DNAH6: variants seen among roughly 807,000 people sequenced by gnomAD.
The protein encoded by DNAH6 is axonemal beta dynein heavy chain 6.
Under a neutral mutation model 491.4 loss-of-function variants are expected in DNAH6, and 340 were observed. The observed-to-expected ratio is 0.69, with a 90% CI of 0.63 to 0.76. The LOEUF (loss-of-function observed/expected upper bound fraction) is 0.76. Among genes scored for constraint, DNAH6 ranks in the 30% least tolerant of loss-of-function variants. DNAH6 has a pLI of 0.00. For missense variants in DNAH6, 4,443 were observed against 4,972.2 expected (o/e 0.89, Z 3.20); for synonymous variants, 1,603 against 1,686.1 (o/e 0.95, Z 1.21).
chr2:84,637,082 C>G lies in DNAH6; in HGVS notation c.4654-128C>G, dbSNP rs6709260. The G allele has an allele frequency of 0.046, 33,742 of 726,822 alleles. 2,344 individuals are homozygous for G. The highest frequency in any genetic ancestry group is 0.26 in the African/African-American group (14,462 of 55,632). 45.0% of individuals were successfully genotyped at this position (726,822 alleles called of 1,614,324 possible). On this transcript the variant is annotated intron_variant, in intron 30 of 76. Coordinates refer to ENST00000389394, the MANE Select transcript of DNAH6 (RefSeq NM_001370.2). ...CAGAATCAGAAATGTTCCCTGTTGT[C>G]CAACAATGGTATTCAGTAGTCTTTG... is the stretch of plus-strand genomic sequence containing the variant.
In DNAH6 at chr2:84,544,513, C is replaced by A. The variant is rs1293755867; in HGVS notation, c.930+13C>A. The A allele has an allele frequency of 1.5e-5, 20 of 1,308,880 alleles. No homozygotes were observed. The highest frequency in any genetic ancestry group is 4.8e-5 in the Admixed American group (2 of 42,028). The allele number at this position is 1,308,880 out of a possible 1,614,324, so 81.1% of individuals were successfully genotyped here. On this transcript the variant is annotated intron_variant, in intron 5 of 76. Transcript: ENST00000389394. ...CATTGTTAATCCTGTATGTATTTATCATTTATATTTTAAAATAATTACTTA... is the reference window on the plus strand; with the variant it reads ...CATTGTTAATCCTGTATGTATTTATAATTTATATTTTAAAATAATTACTTA...
intron 64 of DNAH6, chr2:84,777,239 T>C (rs1188725086): frequency 9.4e-6 from 2 of 212,168 alleles, no homozygotes; most frequent in East Asian, 2.5e-4. Flanking sequence ...GAACTTAAAG[T>C]ATAACAATAA....
chr2:84,812,607 A>G (rs1183152921), intron 73 of DNAH6, 81 bp downstream of exon 73: 1 of 1,128,412 alleles, frequency 8.9e-7, no homozygotes, highest in African/African-American at 1.6e-5. Context: ...CTGGCTAAAG[A>G]TATCCACAGT....
intron 31 of DNAH6, among the ~76,000 whole-genome samples, chr2:84,638,435 A>G (rs1471064924): frequency 6.6e-6 from 1 of 152,130 alleles, no homozygotes; most frequent in Non-Finnish European, 1.5e-5. Context: ...GACCACCAAG[A>G]CCAAAATATA....
chr2:84,537,665 A>G (rs1399780067), intron 4 of DNAH6, among the ~76,000 whole-genome samples: 1 of 152,060 alleles, frequency 6.6e-6, no homozygotes, highest in Non-Finnish European at 1.5e-5. Context: ...CTGGTGAGGC[A>G]ATTTTTAAGT....
At chr2:84,605,679 A>G (rs1168253546) in intron 20 of DNAH6, 87 bp downstream of exon 20, 4 of 844,702 alleles carry the variant, frequency 4.7e-6, no homozygotes, top group Non-Finnish European at 7.4e-6. Flanking sequence ...TGATGAGGGA[A>G]TAAAACATGA....
Position 84,579,541 on chromosome 2 carries a change from G to A in DNAH6, c.2091G>A (p.Met697Ile). 1 of 1,613,670 alleles carries A rather than the reference G, an allele frequency of 6.2e-7. No individual in the cohort carries two copies. Among genetic ancestry groups the A allele is most frequent in the Non-Finnish European group, 8.5e-7 (1 of 1,179,846 alleles). Reference protein sequence around the residue: ...PLRCLEVLNFMLPRQSKKKVD... With the variant: ...PLRCLEVLNFILPRQSKKKVD... Reference sequence around the variant, plus strand: ...TTCTTTCTTAGGTGCTAAATTTTATGCTTCCTCGTCAAAGCAAGAAAAAAG... The same window carrying A: ...TTCTTTCTTAGGTGCTAAATTTTATACTTCCTCGTCAAAGCAAGAAAAAAG... The change falls in exon 14 of 77, where the codon ATG (methionine) becomes ATA (isoleucine). Residue 697 changes from methionine (M) to isoleucine (I), a missense_variant. Met to Ile is a conservative substitution (Grantham distance 10, BLOSUM62 1). Around this residue, in one of 3 missense-constraint regions of DNAH6, gnomAD observed 2,977 missense variants for 3,296.6 expected, o/e 0.90. Coordinates refer to ENST00000389394, the MANE Select transcript of DNAH6 (RefSeq NM_001370.2).
the DNAH6 span, among the ~76,000 whole-genome samples, chr2:84,493,964 A>C: frequency 1.4e-4 from 21 of 152,316 alleles, no homozygotes; most frequent in African/African-American, 4.8e-4. Context: ...AGCACGAGGA[A>C]CTAAGGCCAC....
chr2:84,641,902 C>G (rs2104506846), intron 32 of DNAH6, 45 bp from the exon 33 acceptor site: 1 of 1,470,874 alleles, frequency 6.8e-7, no homozygotes, highest in Non-Finnish European at 9.3e-7. Flanking sequence ...TCATGTTCAA[C>G]CTTATGTTCT....
At position 84,669,429 on chromosome 2, in the gene DNAH6, AGT is replaced by A. The variant is rs1182554519; in HGVS notation, c.6227_6228del (p.Val2076AlafsTer36). On this transcript the variant is annotated frameshift_variant, in exon 38 of 77. Transcript: ENST00000389394. LOFTEE classifies it high-confidence loss of function. ...FEMLVPTTDT[V>X]RYGYLMEKLL... ...AAATGCTTGTCCCCACAACTGACAC[AGT>A]GCGCTATGGGTATCTAATGGAAAAA... The A allele has an allele frequency of 1.9e-6, 3 of 1,552,108 alleles. No individual in the cohort carries two copies. In the Admixed American group the frequency reaches 5.9e-5, roughly 30 times the overall value.
chr2:84,751,425 T>C (rs1396366774), intron 63 of DNAH6, among the ~76,000 whole-genome samples: 1 of 152,180 alleles, frequency 6.6e-6, no homozygotes, highest in African/African-American at 2.4e-5. Flanking sequence ...GTGGCTTCTG[T>C]GGGAAACTCT....
intron 23 of DNAH6, 143 bp from the exon 24 acceptor site, chr2:84,619,542 C>T (rs1687200047): frequency 4.3e-6 from 3 of 705,766 alleles, no homozygotes; most frequent in Non-Finnish European, 4.6e-6. Context: ...ATGTGGCTTC[C>T]CCAGAAACCC....
chr2:84,621,595 C>A, intron 26 of DNAH6, 44 bp downstream of exon 26: 2 of 1,246,894 alleles, frequency 1.6e-6, no homozygotes, highest in Non-Finnish European at 2.2e-6. Context: ...GCAAGATGGT[C>A]TTGGTGGGTT....
At chr2:84,691,417 G>A (rs1472768321) in intron 45 of DNAH6, among the ~76,000 whole-genome samples, 4 of 152,094 alleles carry the variant, frequency 2.6e-5, no homozygotes, top group South Asian at 2.1e-4. Flanking sequence ...TTTTATGCTC[G>A]CCTGGGCAGC....
At chr2:84,510,046 A>G in the DNAH6 span, among the ~76,000 whole-genome samples, 2 of 152,054 alleles carry the variant, frequency 1.3e-5, no homozygotes, top group African/African-American at 4.8e-5. Context: ...TCTGACAATT[A>G]TATGTCTTGG....
At chr2:84,553,719 C>G (rs2104575890) in intron 10 of DNAH6, among the ~76,000 whole-genome samples, 2 of 144,332 alleles carry the variant, frequency 1.4e-5, no homozygotes, top group Admixed American at 1.5e-4. Flanking sequence ...ATCCACCTGC[C>G]TCTGCCTCCC....
chr2:84,758,422 A>T (rs896002606), intron 63 of DNAH6, among the ~76,000 whole-genome samples: 1 of 152,208 alleles, frequency 6.6e-6, no homozygotes, highest in Non-Finnish European at 1.5e-5. Flanking sequence ...AATACATTCT[A>T]TGAGGCCAGT....
intron 69 of DNAH6, among the ~76,000 whole-genome samples, chr2:84,796,952 A>G (rs1678414956): frequency 6.6e-6 from 1 of 152,228 alleles, no homozygotes; most frequent in Non-Finnish European, 1.5e-5. Context: ...ATAGTTTATT[A>G]TGAGTCAGAC....
At chr2:84,556,069 A>G (rs1679988651) in intron 10 of DNAH6, among the ~76,000 whole-genome samples, 1 of 152,216 alleles carries the variant, frequency 6.6e-6, no homozygotes, top group Admixed American at 6.5e-5. Context: ...CATTGCCTGT[A>G]GTAGCATCTT....
Sources: gnomAD v4.1 joint callset for allele counts (sites outside exome capture counted in the v4.1 genomes callset) on GRCh38, gnomAD v4.1.1 for gene constraint, gnomAD v4.1.1 regional missense constraint, MANE v1.5 for transcripts, NCBI Gene and HGNC (gene_info 2026-07-23, HGNC 2026-07-21) for gene names.